The following CCDC30 variants were observed in gnomAD, a reference collection of about 807,000 sequenced individuals.
The protein encoded by CCDC30 is coiled-coil domain containing 30.
A neutral mutation model predicts 100.2 loss-of-function variants in CCDC30; 70 were observed. The ratio of observed to expected loss-of-function variants is 0.70; its 90% CI spans 0.58 to 0.85. CCDC30 has a LOEUF of 0.85. Ranked by LOEUF, CCDC30 falls within the 40% of genes least tolerant of loss-of-function variation. The pLI is 0.00. For missense variants in CCDC30, 652 were observed against 771.2 expected, an observed-to-expected ratio of 0.85 and a Z score of 1.83; for synonymous variants, 233 against 269.5, an observed-to-expected ratio of 0.86 and a Z score of 1.33.
chr1:42,456,442 T>C, the CCDC30 span: 3 of 1,025,664 alleles, frequency 2.9e-6, no homozygotes, highest in Middle Eastern at 3.1e-4. Context: ...GATCGGGACC[T>C]AGTGTCAAAA....
intron 16 of CCDC30, 52 bp downstream of exon 20, chr1:42,653,495 G>T (rs1367023449): frequency 8.4e-7 from 1 of 1,197,012 alleles, no homozygotes; most frequent in Admixed American, 1.8e-5. Flanking sequence ...TGGACTGTCA[G>T]CCATGCCTGA....
downstream of CCDC30, among the ~76,000 whole-genome samples, chr1:42,656,878 T>C (rs1275813403): frequency 6.6e-6 from 1 of 152,246 alleles, no homozygotes; most frequent in Non-Finnish European, 1.5e-5. Flanking sequence ...TTTATCAATG[T>C]ACTATTTTTT....
intron 4 of CCDC30, among the ~76,000 whole-genome samples, chr1:42,495,833 C>T (rs1644223989): frequency 6.6e-6 from 1 of 152,010 alleles, no homozygotes. Context: ...TAATTTCTTC[C>T]AGAAAATTGA....
rs538042756 is a variant in CCDC30, at chr1:42,476,697, A to C, written c.-91-3764A>C. The stretch of plus-strand genomic sequence containing the variant: ...AGGAGTGAAACTCCTTCTCAAAAAA[A>C]AAAAAAAGATAAAAAAATTAGGTGC... On this transcript the variant is annotated intron_variant, in intron 1 of 16. Transcript: ENST00000668663. Among the ~76,000 whole-genome samples the C allele has an allele frequency of 1.6e-4, 22 of 139,360 alleles. No homozygotes were observed. In the South Asian group the frequency reaches 3.3e-3, roughly 21 times the overall value. The allele number at this position is 139,360 out of a possible 152,430, so 91.4% of individuals were successfully genotyped here.
intron 11 of CCDC30, among the ~76,000 whole-genome samples, chr1:42,613,473 G>A (rs113263312): frequency 0.017 from 2,654 of 152,138 alleles, 72 homozygotes; most frequent in African/African-American, 0.061. Context: ...TAGCCAGGAT[G>A]GTCTCGATCT....
At chr1:42,653,303 AT>A (rs1423137564) in intron 15 of CCDC30, 72 bp from the exon 20 acceptor site, 5 of 777,978 alleles carry the variant, frequency 6.4e-6, no homozygotes, top group African/African-American at 3.5e-5. Flanking sequence ...TTATATATAT[AT>A]TTTTTTCTAG....
chr1:42,612,489 C>T (rs996005123), intron 11 of CCDC30, among the ~76,000 whole-genome samples: 2 of 152,150 alleles, frequency 1.3e-5, no homozygotes, highest in Non-Finnish European at 2.9e-5. Context: ...GTGCATTGAC[C>T]ACCTCACAAC....
At chr1:42,572,047 C>T (rs1645744170) in intron 7 of CCDC30, among the ~76,000 whole-genome samples, 1 of 152,200 alleles carries the variant, frequency 6.6e-6, no homozygotes, top group South Asian at 2.1e-4. Context: ...CATAAGTACA[C>T]ATTCCTCTAG....
exon 17 of CCDC30, chr1:42,653,940 C>T (rs755207387): frequency 6.2e-7 from 1 of 1,614,074 alleles, no homozygotes; most frequent in South Asian, 1.1e-5. Context: ...CTTGTGTGTT[C>T]ACAGAATTCT....
chr1:42,589,900 C>G (rs1031558704), intron 10 of CCDC30: 2 of 156,884 alleles, frequency 1.3e-5, no homozygotes, highest in Admixed American at 1.3e-4. Flanking sequence ...TTTCTTCTTT[C>G]TATACTCGTA....
At chr1:42,562,687 A>T (rs1220293518) in intron 6 of CCDC30, among the ~76,000 whole-genome samples, 1 of 152,222 alleles carries the variant, frequency 6.6e-6, no homozygotes, top group Non-Finnish European at 1.5e-5. Flanking sequence ...AGAATGGGGG[A>T]AAAATTTTGC....
At chr1:42,554,796 C>T (rs1557850040) in intron 6 of CCDC30, among the ~76,000 whole-genome samples, 1 of 152,016 alleles carries the variant, frequency 6.6e-6, no homozygotes, top group African/African-American at 2.4e-5. Context: ...TGGCTTTCAC[C>T]TCCTCTGCTT....
At chr1:42,570,884 T>C (rs1645719468) in intron 7 of CCDC30, 1 of 152,176 alleles carries the variant, frequency 6.6e-6, no homozygotes, top group East Asian at 1.9e-4. Flanking sequence ...ATTTTACGTG[T>C]TTCCAGCTTG....
chr1:42,623,788 G>C (rs1442505183), intron 11 of CCDC30, among the ~76,000 whole-genome samples: 1 of 152,018 alleles, frequency 6.6e-6, no homozygotes, highest in Non-Finnish European at 1.5e-5. Flanking sequence ...TGGTATTTTG[G>C]TAGGGATTGC....
chr1:42,587,931 A>T (rs78790799), intron 9 of CCDC30, among the ~76,000 whole-genome samples: 1,871 of 152,308 alleles, frequency 0.012, 16 homozygotes, highest in Non-Finnish European at 0.019. Flanking sequence ...GAGTATTGCC[A>T]GGGAAAAAGG....
chr1:42,526,374 A>G (rs923864935), intron 6 of CCDC30, among the ~76,000 whole-genome samples: 5 of 150,710 alleles, frequency 3.3e-5, no homozygotes, highest in East Asian at 1.9e-4. Flanking sequence ...TTTCATGTCT[A>G]TTTTTTTGTT....
chr1:42,561,633 AG>A (rs1451696699), intron 6 of CCDC30, among the ~76,000 whole-genome samples: 1 of 152,096 alleles, frequency 6.6e-6, no homozygotes, highest in African/African-American at 2.4e-5. Context: ...AAAGAAATAA[AG>A]GGTATTCAAA....
At chr1:42,625,052 A>C (rs1340408764) in intron 11 of CCDC30, among the ~76,000 whole-genome samples, 1 of 151,042 alleles carries the variant, frequency 6.6e-6, no homozygotes, top group East Asian at 1.9e-4. Context: ...TATGGCTTTG[A>C]TTTCCTTATT....
At chr1:42,465,037 T>A (rs372440611) in intron 1 of CCDC30, among the ~76,000 whole-genome samples, 3 of 152,336 alleles carry the variant, frequency 2.0e-5, no homozygotes, top group Admixed American at 6.5e-5. Flanking sequence ...AGATGCTATA[T>A]TGTAAGGGGC....
Sources: allele counts gnomAD v4.1 joint callset (sites outside exome capture counted in the v4.1 genomes callset), GRCh38; gene constraint gnomAD v4.1.1; transcripts MANE v1.5; gene names NCBI Gene and HGNC (gene_info 2026-07-23, HGNC 2026-07-21).